The following RGS20 variants were observed in gnomAD, a reference collection of about 807,000 sequenced individuals.
RGS20 encodes gz-selective GTPase-activating protein.
In RGS20, 30 loss-of-function variants were observed where a neutral mutation model predicts 33.6. The observed-to-expected ratio is 0.89, with a 90% CI of 0.67 to 1.21. The LOEUF is 1.21. Ranked by LOEUF, RGS20 falls within the 50% of genes most tolerant of loss-of-function variation. The pLI is 0.00. For synonymous variants in RGS20, 208 were observed against 197.9 expected (o/e 1.05, Z -0.43); for missense variants, 472 against 502.4 (o/e 0.94, Z 0.58).
chr8:53,875,476 A>G (rs1812184328), intron 1 of RGS20, among the ~76,000 whole-genome samples: 1 of 151,722 alleles, frequency 6.6e-6, no homozygotes, highest in African/African-American at 2.4e-5. Context: ...AAACTAAAAA[A>G]CACCATCTCC....
chr8:53,910,748 G>A (rs11984817), intron 2 of RGS20, among the ~76,000 whole-genome samples: 62,097 of 152,024 alleles, frequency 0.41, 15,908 homozygotes, highest in African/African-American at 0.74. Flanking sequence ...CTACTCAGCA[G>A]TAAACAAGAA....
At chr8:53,933,932 G>A (rs558145190) in intron 2 of RGS20, among the ~76,000 whole-genome samples, 1 of 152,294 alleles carries the variant, frequency 6.6e-6, no homozygotes, top group Admixed American at 6.5e-5. Context: ...CTACAAGCCA[G>A]AAGAGAGTGG....
intron 1 of RGS20, among the ~76,000 whole-genome samples, chr8:53,875,606 A>T (rs1272483875): frequency 1.3e-5 from 2 of 152,292 alleles, no homozygotes; most frequent in South Asian, 2.1e-4. Flanking sequence ...CATACAAGTC[A>T]TCTAAGTAGC....
intron 2 of RGS20, among the ~76,000 whole-genome samples, chr8:53,884,826 A>T (rs907486600): frequency 4.6e-5 from 7 of 152,210 alleles, no homozygotes; most frequent in African/African-American, 1.4e-4. Context: ...CCACAGCTTT[A>T]TCTTGGTCCC....
intron 2 of RGS20, among the ~76,000 whole-genome samples, chr8:53,911,066 G>T (rs1481626239): frequency 6.6e-6 from 1 of 152,164 alleles, no homozygotes. Flanking sequence ...ATTTGGAGGT[G>T]AACTATTAGA....
chr8:53,859,289 T>C (rs1006129626), intron 1 of RGS20, among the ~76,000 whole-genome samples: 2 of 152,222 alleles, frequency 1.3e-5, no homozygotes, highest in African/African-American at 4.8e-5. Flanking sequence ...GCACAAATCA[T>C]CTTGACCTTT....
chr8:53,878,950 C>T (rs575744658), intron 1 of RGS20, among the ~76,000 whole-genome samples: 29 of 152,106 alleles, frequency 1.9e-4, no homozygotes, highest in Non-Finnish European at 3.8e-4. Flanking sequence ...CATGGTAGTC[C>T]CCTGGGAATG....
chr8:53,918,988 A>G (rs1464034883), intron 2 of RGS20, among the ~76,000 whole-genome samples: 1 of 152,236 alleles, frequency 6.6e-6, no homozygotes. Context: ...AGGACCTGTC[A>G]AACTGTTTTC....
chr8:53,929,343 T>C (rs1813890207), intron 2 of RGS20, among the ~76,000 whole-genome samples: 1 of 152,180 alleles, frequency 6.6e-6, no homozygotes, highest in South Asian at 2.1e-4. Flanking sequence ...TTTAAAAATG[T>C]ATACAATTCC....
At chr8:53,855,002 G>A (rs1811641174) in intron 1 of RGS20, among the ~76,000 whole-genome samples, 1 of 152,150 alleles carries the variant, frequency 6.6e-6, no homozygotes, top group South Asian at 2.1e-4. Flanking sequence ...GTGCTGAGTG[G>A]GGGAGAAAAA....
chr8:53,958,061 A>G (rs1451318475), intron 5 of RGS20, among the ~76,000 whole-genome samples: 2 of 152,012 alleles, frequency 1.3e-5, no homozygotes, highest in Admixed American at 6.6e-5. Context: ...GCTTGAACCC[A>G]GGAGGCGGAG....
rs114733575 is a variant in RGS20, at chr8:53,875,071, G to C, written c.166-4187G>C. 9.6e-3 allele frequency among the ~76,000 whole-genome samples: 1,461 copies of C among 152,290 alleles called. 20 individuals carry two copies. Among genetic ancestry groups the C allele is most frequent in the African/African-American group, 0.033 (1,355 of 41,544 alleles). On this transcript the variant is annotated intron_variant, in intron 1 of 5. Transcript: ENST00000297313. Reference sequence around the variant, plus strand: ...ACTTCCCATTTGCTGAGCTGGTGAAGACTGCAAGAGGAGAAAGCTCGGAGA... The same window carrying C: ...ACTTCCCATTTGCTGAGCTGGTGAACACTGCAAGAGGAGAAAGCTCGGAGA...
intron 2 of RGS20, among the ~76,000 whole-genome samples, chr8:53,889,239 G>T (rs1311227761): frequency 2.6e-5 from 4 of 151,914 alleles, no homozygotes. Context: ...CATTCTGGTG[G>T]CTGTGTAGTG....
chr8:53,919,595 T>TC (rs199570418), intron 2 of RGS20, among the ~76,000 whole-genome samples: 24 of 150,168 alleles, frequency 1.6e-4, no homozygotes, highest in Admixed American at 4.6e-4. Context: ...ATTTTTTCTT[T>TC]TTTTTTTTTT....
In RGS20 at chr8:53,877,146, G is replaced by C. The variant is rs997257249; in HGVS notation, c.166-2112G>C. Among the ~76,000 whole-genome samples, 2 of 152,206 alleles carry C rather than the reference G, an allele frequency of 1.3e-5. No individual in the cohort carries two copies. Among genetic ancestry groups the C allele is most frequent in the African/African-American group, 4.8e-5 (2 of 41,458 alleles). On this transcript the variant is annotated intron_variant, in intron 1 of 5. Coordinates refer to ENST00000297313, the MANE Select transcript of RGS20 (RefSeq NM_170587.4). This position sits in a 1 kb window ranked among gnomAD's most constrained non-coding sequence, Gnocchi z 5.7. ...AGTTGGGCGTGCGTCGCAGAACAGT[G>C]CTGGGCGCTCTCTTTCAGCATTTTC...
intron 2 of RGS20, among the ~76,000 whole-genome samples, chr8:53,895,061 G>A (rs1294482178): frequency 6.6e-6 from 1 of 152,174 alleles, no homozygotes; most frequent in African/African-American, 2.4e-5. Flanking sequence ...ACTTATCGTA[G>A]CCATCGAGAC....
At chr8:53,922,870 A>G (rs1813690821) in intron 2 of RGS20, among the ~76,000 whole-genome samples, 1 of 152,162 alleles carries the variant, frequency 6.6e-6, no homozygotes, top group Non-Finnish European at 1.5e-5. Flanking sequence ...TATGTTGTCC[A>G]GGCTGGTCTT....
chr8:53,942,518 C>G (rs1488011694), intron 3 of RGS20, among the ~76,000 whole-genome samples: 1 of 151,214 alleles, frequency 6.6e-6, no homozygotes, highest in African/African-American at 2.4e-5. Flanking sequence ...ACTTCTCACA[C>G]CCCTGCAAAA....
intron 2 of RGS20, among the ~76,000 whole-genome samples, chr8:53,900,803 C>A (rs977488711): frequency 2.6e-5 from 4 of 152,172 alleles, no homozygotes; most frequent in Non-Finnish European, 5.9e-5. Context: ...GACTGCTGGA[C>A]ATTCCTGGCC....
Sources: gnomAD v4.1 joint callset for allele counts (sites outside exome capture counted in the v4.1 genomes callset) on GRCh38, gnomAD v4.1.1 for gene constraint, Gnocchi (gnomAD v3.1) non-coding constraint, MANE v1.5 for transcripts, NCBI Gene and HGNC (gene_info 2026-07-23, HGNC 2026-07-21) for gene names.